The following RUFY3 variants were observed in gnomAD, a reference collection of about 807,000 sequenced individuals.
RUFY3 encodes the protein RUN and FYVE domain containing 3, also known as protein RUFY3.
Under a neutral mutation model 84.0 loss-of-function variants are expected in RUFY3, and 34 were observed. The observed-to-expected ratio is 0.40, with a 90% confidence interval of 0.31 to 0.54. RUFY3 has a LOEUF of 0.54. Ranked by LOEUF, RUFY3 falls within the 20% of genes least tolerant of loss-of-function variation. The pLI, the probability that RUFY3 is intolerant of heterozygous loss-of-function variation, is 0.39. For synonymous variants in RUFY3, 242 were observed against 252.9 expected (o/e 0.96, Z 0.41); for missense variants, 507 against 736.8 (o/e 0.69, Z 3.61).
intron 16 of RUFY3, 140 bp downstream of exon 16, chr4:70,803,123 A>C: frequency 1.7e-6 from 1 of 575,244 alleles, no homozygotes; most frequent in Non-Finnish European, 3.1e-6. Flanking sequence ...CTGAACAAAT[A>C]TGTATTGCCT....
chr4:70,705,367 C>T, intron 1 of RUFY3: 1 of 1,100,832 alleles, frequency 9.1e-7, no homozygotes. Flanking sequence ...GCCCGGCCCC[C>T]GCGGAGCTCC....
At chr4:70,753,976 C>T (rs10518078) in intron 1 of RUFY3, among the ~76,000 whole-genome samples, 6 of 151,948 alleles carry the variant, frequency 3.9e-5, no homozygotes, top group African/African-American at 1.5e-4. Context: ...CAAGTCCTAA[C>T]TCAGTGAAGT....
chr4:70,720,117 T>G (rs910211087), upstream of RUFY3, among the ~76,000 whole-genome samples: 3 of 152,182 alleles, frequency 2.0e-5, no homozygotes, highest in African/African-American at 7.2e-5. Flanking sequence ...AGTGGTATGA[T>G]CTCGGCTCAC....
At chr4:70,792,613 C>G in intron 12 of RUFY3, 1 of 985,126 alleles carries the variant, frequency 1.0e-6, no homozygotes, top group South Asian at 4.7e-5. Flanking sequence ...TTTTTTCATT[C>G]TGGTATGCTT....
At chr4:70,789,915 TTAAA>T in intron 12 of RUFY3, 5 of 1,035,692 alleles carry the variant, frequency 4.8e-6, no homozygotes, top group Non-Finnish European at 5.8e-6. Context: ...GGAAGGACTC[TTAAA>T]TGTATGTATG....
chr4:70,736,410 G>C (rs112623905), intron 1 of RUFY3, among the ~76,000 whole-genome samples: 1 of 152,036 alleles, frequency 6.6e-6, no homozygotes, highest in Admixed American at 6.5e-5. Context: ...TACACTGAAG[G>C]TTCACTTGCA....
chr4:70,793,361 A>C (rs1731102727), intron 12 of RUFY3: 2 of 1,016,264 alleles, frequency 2.0e-6, no homozygotes, highest in African/African-American at 3.5e-5. Context: ...GCCCATTTAC[A>C]AGTTCCAGTT....
intron 10 of RUFY3, among the ~76,000 whole-genome samples, chr4:70,785,500 G>A (rs951907278): frequency 2.0e-5 from 3 of 152,016 alleles, no homozygotes; most frequent in Non-Finnish European, 4.4e-5. Context: ...ATATAAATTA[G>A]TATAGCCACT....
intron 1 of RUFY3, among the ~76,000 whole-genome samples, chr4:70,713,198 A>G (rs1428226450): frequency 8.6e-5 from 13 of 151,970 alleles, no homozygotes; most frequent in Admixed American, 8.5e-4. Flanking sequence ...TAATTTTTGT[A>G]TTTTAGTAGA....
intron 1 of RUFY3, among the ~76,000 whole-genome samples, chr4:70,713,912 TACTG>T (rs1380379665): frequency 6.6e-6 from 1 of 152,186 alleles, no homozygotes; most frequent in African/African-American, 2.4e-5. Flanking sequence ...CGTTTATCCT[TACTG>T]ACTTTCATTT....
intron 1 of RUFY3, among the ~76,000 whole-genome samples, chr4:70,735,244 T>G (rs1720081936): frequency 1.3e-5 from 2 of 151,916 alleles, no homozygotes; most frequent in Non-Finnish European, 2.9e-5. Flanking sequence ...GAGGGGGAGG[T>G]GGAGAGTATA....
At chr4:70,778,788 C>G (rs921620730) in intron 8 of RUFY3, among the ~76,000 whole-genome samples, 1 of 152,062 alleles carries the variant, frequency 6.6e-6, no homozygotes, top group African/African-American at 2.4e-5. Context: ...CCATGTTAGT[C>G]AGGCTGGTCT....
intron 5 of RUFY3, among the ~76,000 whole-genome samples, chr4:70,769,641 T>C (rs952735859): frequency 2.6e-5 from 4 of 152,244 alleles, no homozygotes; most frequent in Admixed American, 2.0e-4. Context: ...AAGATTTCTC[T>C]GTAGCATACC....
intron 15 of RUFY3, among the ~76,000 whole-genome samples, chr4:70,801,926 T>C (rs1732281896): frequency 6.6e-6 from 1 of 152,206 alleles, no homozygotes; most frequent in African/African-American, 2.4e-5. Context: ...ACCAGGAGTG[T>C]CTTAAATGCC....
rs867613715 is a variant in RUFY3 at position 70,807,914 on chromosome 4, T to C, written c.*1255T>C. 1.2e-4 allele frequency among the ~76,000 whole-genome samples: 18 copies of C among 152,268 alleles called. No homozygotes were observed. The highest frequency in any genetic ancestry group is 3.4e-3 in the Middle Eastern group (1 of 294). On this transcript the variant is annotated 3_prime_UTR_variant, in exon 18 of 18. Coordinates refer to ENST00000381006, the MANE Select transcript of RUFY3 (RefSeq NM_001037442.4). ...GAATGAGAGCTGATAGATGCTTTCTTGAAAAGGGCAATACAGTCATCCCTT... is the reference window on the plus strand; with the variant it reads ...GAATGAGAGCTGATAGATGCTTTCTCGAAAAGGGCAATACAGTCATCCCTT...
At chr4:70,786,765 C>T (rs1729887552) in intron 10 of RUFY3, among the ~76,000 whole-genome samples, 1 of 152,042 alleles carries the variant, frequency 6.6e-6, no homozygotes, top group East Asian at 1.9e-4. Flanking sequence ...ATATTAATAA[C>T]CCCTGGTATT....
chr4:70,804,761 C>CAAAAAAAAAAAAAAAAAAA, intron 17 of RUFY3, among the ~76,000 whole-genome samples: 1 of 76,848 alleles, frequency 1.3e-5, no homozygotes, highest in African/African-American at 4.5e-5. Context: ...ACTAAAAATA[C>CAAAAAAAAAAAAAAAAAAA]AAAAAAAAAA....
chr4:70,789,904 T>C (rs1578230230), intron 12 of RUFY3: 2 of 1,047,362 alleles, frequency 1.9e-6, no homozygotes, highest in South Asian at 3.3e-5. Flanking sequence ...CTTAAAAGCA[T>C]GGAAGGACTC....
chr4:70,762,763 A>G, intron 2 of RUFY3, 71 bp downstream of exon 2: 3 of 1,310,304 alleles, frequency 2.3e-6, no homozygotes, highest in Non-Finnish European at 3.2e-6. Flanking sequence ...AGAAGAAAGC[A>G]TTCTTTGTGG....
Sources: allele counts gnomAD v4.1 joint callset (sites outside exome capture counted in the v4.1 genomes callset), GRCh38; gene constraint gnomAD v4.1.1; transcripts MANE v1.5; gene names NCBI Gene and HGNC (gene_info 2026-07-23, HGNC 2026-07-21).